The following DOCK8 variants were observed in gnomAD, a reference collection of about 807,000 sequenced individuals.
The protein encoded by DOCK8 is dedicator of cytokinesis 8, also known as dedicator of cytokinesis protein 8.
DOCK8 carries 141 observed loss-of-function variants against 245.6 expected under a neutral mutation model. That is an observed-to-expected ratio of 0.57 (90% confidence interval 0.50 to 0.66). The LOEUF (loss-of-function observed/expected upper bound fraction) is 0.66, where lower values mean the gene tolerates loss of function less well. Among genes scored for constraint, DOCK8 ranks in the 30% least tolerant of loss-of-function variants. The pLI, the probability that DOCK8 is intolerant of heterozygous loss-of-function variation, is 0.00. For synonymous variants in DOCK8, 1,168 were observed against 970.2 expected, an observed-to-expected ratio of 1.20 and a Z score of -3.79; for missense variants, 2,965 against 2,603.4, an observed-to-expected ratio of 1.14 and a Z score of -3.02.
intron 2 of DOCK8, among the ~76,000 whole-genome samples, chr9:275,058 G>C (rs926327032): frequency 2.0e-5 from 3 of 152,202 alleles, no homozygotes; most frequent in African/African-American, 7.2e-5. Flanking sequence ...AGGTACAGTT[G>C]TCATTTATTA....
intron 1 of DOCK8, among the ~76,000 whole-genome samples, chr9:245,027 C>G (rs750098026): frequency 2.0e-5 from 3 of 152,062 alleles, no homozygotes; most frequent in Non-Finnish European, 2.9e-5. Flanking sequence ...TTTCCCACAT[C>G]AGGAGAGTTT....
rs551288108 is a variant in DOCK8, at chr9:312,821, T to C, written c.741+655T>C. 2.6e-4 allele frequency: 73 copies of C among 279,036 alleles called. 1 individual carries two copies. The highest frequency in any genetic ancestry group is 1.5e-3 in the South Asian group (41 of 26,592). 17.3% of individuals were successfully genotyped at this position (279,036 alleles called of 1,614,324 possible). Reference sequence around the variant, plus strand: ...GCCTTTTGTCTGTTTGAACTCCTTATACTGTATAGGAGGCTCTCAGTTTTC... The same window carrying C: ...GCCTTTTGTCTGTTTGAACTCCTTACACTGTATAGGAGGCTCTCAGTTTTC... On this transcript the variant is annotated intron_variant, in intron 6 of 47. Transcript: ENST00000432829.
chr9:351,695 C>T (rs1019081427), intron 14 of DOCK8, among the ~76,000 whole-genome samples: 4 of 152,128 alleles, frequency 2.6e-5, no homozygotes, highest in African/African-American at 4.8e-5. Context: ...GGGAGGGGAA[C>T]GTGTGAAGAA....
intron 5 of DOCK8, among the ~76,000 whole-genome samples, chr9:307,941 A>T (rs1252361478): frequency 2.0e-5 from 3 of 152,216 alleles, no homozygotes; most frequent in Admixed American, 2.0e-4. Flanking sequence ...AGGATAAGTG[A>T]AATAAGCCAA....
rs371026181 is a variant in DOCK8, at chr9:328,189, G to T, written c.1044+18G>T. On this transcript the variant is annotated intron_variant, in intron 9 of 47. Transcript: ENST00000432829. ...TAGTCAAGGTAATTCAGTACGATCT[G>T]ATTTGCCCAATCTGATGTTTTCATT... 10 of 1,608,670 alleles carry T rather than the reference G, an allele frequency of 6.2e-6. No individual in the cohort carries two copies. The East Asian group carries it at 9.0e-5, about 14-fold the overall frequency.
intron 14 of DOCK8, among the ~76,000 whole-genome samples, chr9:359,782 A>C (rs2052629164): frequency 6.8e-6 from 1 of 147,552 alleles, no homozygotes. Flanking sequence ...CCACTTCATC[A>C]ATTTTTTGGC....
At chr9:400,955 A>ACCACCT (rs1554692481) in intron 26 of DOCK8, among the ~76,000 whole-genome samples, 1 of 119,746 alleles carries the variant, frequency 8.4e-6, no homozygotes, top group Non-Finnish European at 1.8e-5. Context: ...CATCACCACC[A>ACCACCT]CCACCACCAC....
intron 18 of DOCK8, among the ~76,000 whole-genome samples, chr9:375,833 C>T (rs145951320): frequency 2.2e-4 from 34 of 152,164 alleles, no homozygotes; most frequent in South Asian, 1.2e-3. Context: ...CACATTTCTA[C>T]AAAAAATAGA....
intron 1 of DOCK8, among the ~76,000 whole-genome samples, chr9:232,802 T>A (rs2047148212): frequency 6.6e-6 from 1 of 152,204 alleles, no homozygotes. Flanking sequence ...TCTTTGTTAG[T>A]CTTGCTAGCG....
chr9:246,715 A>G (rs1439875707), intron 1 of DOCK8, among the ~76,000 whole-genome samples: 1 of 152,170 alleles, frequency 6.6e-6, no homozygotes, highest in Non-Finnish European at 1.5e-5. Context: ...TGTTGAATCC[A>G]GAGATTGTGG....
chr9:270,355 A>G (rs1160365425), intron 1 of DOCK8, among the ~76,000 whole-genome samples: 1 of 152,140 alleles, frequency 6.6e-6, no homozygotes, highest in African/African-American at 2.4e-5. Flanking sequence ...AATCCTGGGA[A>G]AGAGAGACAC....
intron 43 of DOCK8, among the ~76,000 whole-genome samples, chr9:444,640 C>T (rs950442333): frequency 1.6e-4 from 25 of 152,150 alleles, no homozygotes; most frequent in African/African-American, 4.3e-4. Flanking sequence ...CCAGTTCCTA[C>T]CCTGTAATCA....
chr9:365,784 T>C (rs369842469), intron 14 of DOCK8: 4 of 389,868 alleles, frequency 1.0e-5, no homozygotes, highest in South Asian at 7.6e-5. Flanking sequence ...ACATTAGCTC[T>C]GCTTATTTGA....
At chr9:365,469 C>T (rs2052939032) in intron 14 of DOCK8, 1 of 408,232 alleles carries the variant, frequency 2.4e-6, no homozygotes, top group Non-Finnish European at 4.7e-6. Flanking sequence ...AAGTAAGTCA[C>T]TTCTCAAAAA....
chr9:273,871 T>G (rs570719587), intron 2 of DOCK8, among the ~76,000 whole-genome samples: 1 of 152,200 alleles, frequency 6.6e-6, no homozygotes, highest in African/African-American at 2.4e-5. Flanking sequence ...CACATCTGGC[T>G]AATTTTGTAT....
chr9:286,598 G>A lies in DOCK8; in HGVS notation c.294G>A (p.Lys98=), dbSNP rs1317336731. 2 of 1,613,976 alleles carry A rather than the reference G, an allele frequency of 1.2e-6. No homozygotes were observed. Among genetic ancestry groups the A allele is most frequent in the African/African-American group, 1.3e-5 (1 of 75,020 alleles). Residue 98 remains lysine (K), a synonymous_variant, in exon 3 of 48, where the codon AAG becomes AAA. Transcript: ENST00000432829. ...DDDLDVVFTP[K]ECRTLQPSLP... is the part of the protein sequence containing the mutation. ...ACTTGGACGTGGTGTTCACGCCAAAGGAATGTAGGACTTTGCAGCCCTCTT... is the reference window on the plus strand; with the variant it reads ...ACTTGGACGTGGTGTTCACGCCAAAAGAATGTAGGACTTTGCAGCCCTCTT...
At chr9:317,852 C>T (rs2050413022) in intron 7 of DOCK8, among the ~76,000 whole-genome samples, 1 of 152,200 alleles carries the variant, frequency 6.6e-6, no homozygotes, top group Middle Eastern at 3.4e-3. Flanking sequence ...TGTTCTCATT[C>T]CCTTTATAAA....
chr9:381,202 GATCTTTCTTC>G (rs1376620268), intron 21 of DOCK8: 2 of 152,038 alleles, frequency 1.3e-5, no homozygotes, highest in Admixed American at 1.3e-4. Context: ...TTTCTTTATA[GATCTTTCTTC>G]CTCCCTCCTT....
At position 339,081 on chromosome 9, in the gene DOCK8, C is replaced by A. The variant is rs770748316; in HGVS notation, c.1498C>A (p.Arg500=). ...CAAAAGATCATCATCCTTACAGAGACGAGTCAAGTCAATTCCAGGTGTGAA... is the reference window on the plus strand; with the variant it reads ...CAAAAGATCATCATCCTTACAGAGAAGAGTCAAGTCAATTCCAGGTGTGAA... ...DYKRSSSLQR[R]VKSIPGLLRL... Residue 500 remains arginine, a synonymous_variant, in exon 13 of 48, where the codon CGA becomes AGA. Coordinates refer to ENST00000432829, the MANE Select transcript of DOCK8 (RefSeq NM_203447.4). The A allele has an allele frequency of 4.3e-6, 7 of 1,614,032 alleles. No homozygotes were observed. In the East Asian group the frequency reaches 1.3e-4, roughly 31 times the overall value.
Sources: allele counts gnomAD v4.1 joint callset (sites outside exome capture counted in the v4.1 genomes callset), GRCh38; gene constraint gnomAD v4.1.1; transcripts MANE v1.5; gene names NCBI Gene and HGNC (gene_info 2026-07-23, HGNC 2026-07-21).